The following GRIP1 variants were observed in gnomAD, a reference collection of about 807,000 sequenced individuals.
GRIP1 encodes the protein glutamate receptor interacting protein 1, also known as glutamate receptor-interacting protein 1.
Under a neutral mutation model 129.9 loss-of-function variants are expected in GRIP1, and 45 were observed. That is an observed-to-expected ratio of 0.35 (90% CI 0.27 to 0.44). The LOEUF is 0.44. GRIP1 is among the 20% of genes least tolerant of loss of function. The pLI, the probability that GRIP1 is intolerant of heterozygous loss-of-function variation, is 1.00. For synonymous variants in GRIP1, 530 were observed against 520.8 expected (o/e 1.02, Z -0.24); for missense variants, 1,196 against 1,396.8 (o/e 0.86, Z 2.29).
intron 1 of GRIP1, among the ~76,000 whole-genome samples, chr12:66,721,657 G>A (rs1019953083): frequency 1.3e-5 from 2 of 152,164 alleles, no homozygotes; most frequent in Non-Finnish European, 2.9e-5. Context: ...AACCCAATCT[G>A]TAAAACTCTG....
At chr12:66,773,496 G>A (rs923540203) in intron 1 of GRIP1, among the ~76,000 whole-genome samples, 5 of 152,110 alleles carry the variant, frequency 3.3e-5, no homozygotes, top group Non-Finnish European at 7.3e-5. Context: ...TCATAAGTGG[G>A]AGTTGAACAA....
chr12:66,832,889 A>C (rs1333906365), intron 1 of GRIP1, among the ~76,000 whole-genome samples: 1 of 152,202 alleles, frequency 6.6e-6, no homozygotes, highest in Non-Finnish European at 1.5e-5. Flanking sequence ...TCAAAGTTAA[A>C]GTCTCTGACC....
At chr12:66,752,388 AT>A (rs1360014285) in intron 1 of GRIP1, among the ~76,000 whole-genome samples, 1 of 152,192 alleles carries the variant, frequency 6.6e-6, no homozygotes, top group Non-Finnish European at 1.5e-5. Context: ...ATAAAATAAC[AT>A]TTAGTTTTAT....
chr12:66,399,693 T>C (rs6421219), intron 16 of GRIP1, among the ~76,000 whole-genome samples: 149,085 of 151,922 alleles, frequency 0.98, 73,282 homozygotes, highest in East Asian at 1. Context: ...TCTTGAGTGC[T>C]GCCTGTTTAA....
At chr12:66,371,592 G>T (rs11176162) in intron 23 of GRIP1, 102 bp downstream of exon 23, 2 of 801,412 alleles carry the variant, frequency 2.5e-6, no homozygotes, top group African/African-American at 1.7e-5. Context: ...GCTTGGCTGA[G>T]CCCATAGGAG....
At chr12:67,056,164 CA>C (rs2043432033) in intron 1 of GRIP1, among the ~76,000 whole-genome samples, 1 of 152,130 alleles carries the variant, frequency 6.6e-6, no homozygotes. Context: ...CAAATTATCC[CA>C]AAACATAGCT....
At chr12:66,780,060 G>A (rs2038106122) in intron 1 of GRIP1, among the ~76,000 whole-genome samples, 1 of 152,138 alleles carries the variant, frequency 6.6e-6, no homozygotes, top group African/African-American at 2.4e-5. Flanking sequence ...GTAAGATGTT[G>A]GTGGTAGTGG....
intron 1 of GRIP1, among the ~76,000 whole-genome samples, chr12:66,819,762 T>C (rs2039285804): frequency 6.6e-6 from 1 of 152,172 alleles, no homozygotes; most frequent in East Asian, 1.9e-4. Flanking sequence ...GCTAACAAAC[T>C]GAATCAACAA....
At chr12:66,376,378 C>T (rs371067147) in intron 22 of GRIP1, among the ~76,000 whole-genome samples, 1 of 152,144 alleles carries the variant, frequency 6.6e-6, no homozygotes, top group Admixed American at 6.6e-5. Flanking sequence ...AAAAATGAGA[C>T]TTTTGCCACT....
At chr12:67,029,479 T>G (rs11176544) in intron 1 of GRIP1, among the ~76,000 whole-genome samples, 18,559 of 150,586 alleles carry the variant, frequency 0.12, 1,202 homozygotes, top group African/African-American at 0.15. Flanking sequence ...CTTAGGAGGC[T>G]GAGGTGGGAG....
chr12:66,394,240 A>C lies in GRIP1; in HGVS notation c.2097T>G (p.Ile699Met). 6.2e-7 allele frequency: 1 copy of C among 1,614,118 alleles called. No individual in the cohort carries two copies. Among genetic ancestry groups the C allele is most frequent in the East Asian group, 2.2e-5 (1 of 44,872 alleles). Residue 699 changes from isoleucine to methionine, a missense_variant, in exon 17 of 25, where the codon ATT (isoleucine) becomes ATG (methionine). Physicochemically the swap from Ile to Met is conservative, Grantham distance 10 (BLOSUM62 1). Around this residue, in one of 5 missense-constraint regions of GRIP1, gnomAD observed 28 missense variants for 78.1 expected, o/e 0.36. Transcript: ENST00000359742. ...GTEEPFDPII[I>M]SSLTKGGLAE... ...CTAATCCCCCTTTAGTGAGGCTTGA[A>C]ATGATTATAGGATCAAACGGCTCTT... is the stretch of plus-strand genomic sequence containing the variant.
chr12:66,503,862 A>G (rs1389226725), intron 7 of GRIP1, among the ~76,000 whole-genome samples: 1 of 152,184 alleles, frequency 6.6e-6, no homozygotes, highest in Non-Finnish European at 1.5e-5. Context: ...GTTCTGGGAA[A>G]TGTGAGGTTA....
At chr12:66,440,636 C>T (rs1435471414) in intron 13 of GRIP1, among the ~76,000 whole-genome samples, 1 of 152,156 alleles carries the variant, frequency 6.6e-6, no homozygotes, top group Admixed American at 6.5e-5. Flanking sequence ...TCCTGGACTT[C>T]TCTTTCTCAT....
At chr12:66,988,342 G>A (rs568979583) in intron 1 of GRIP1, among the ~76,000 whole-genome samples, 2 of 151,876 alleles carry the variant, frequency 1.3e-5, no homozygotes, top group African/African-American at 2.4e-5. Context: ...CATTCACATA[G>A]CCTTGTGCTA....
chr12:66,928,371 T>C (rs2137392076), intron 1 of GRIP1, among the ~76,000 whole-genome samples: 1 of 152,350 alleles, frequency 6.6e-6, no homozygotes, highest in East Asian at 1.9e-4. Flanking sequence ...ACAATTAATT[T>C]ATAAGATTCT....
At chr12:66,473,402 T>G (rs933182685) in intron 7 of GRIP1, among the ~76,000 whole-genome samples, 1 of 152,210 alleles carries the variant, frequency 6.6e-6, no homozygotes, top group Non-Finnish European at 1.5e-5. Flanking sequence ...GGGTGCAGTT[T>G]CAGCAGACTT....
intron 1 of GRIP1, among the ~76,000 whole-genome samples, chr12:66,689,341 C>T (rs1158454355): frequency 6.6e-6 from 1 of 152,118 alleles, no homozygotes; most frequent in Non-Finnish European, 1.5e-5. Flanking sequence ...GAAAAGCAGG[C>T]GGAAGGTCAG....
intron 1 of GRIP1, among the ~76,000 whole-genome samples, chr12:66,923,437 T>C (rs1346886183): frequency 6.6e-6 from 1 of 152,222 alleles, no homozygotes; most frequent in African/African-American, 2.4e-5. Context: ...AACTGATTCC[T>C]TGGGAATGCT....
intron 1 of GRIP1, among the ~76,000 whole-genome samples, chr12:66,775,325 T>C (rs2037945079): frequency 6.6e-6 from 1 of 152,170 alleles, no homozygotes; most frequent in African/African-American, 2.4e-5. Context: ...TAAATACATC[T>C]CCATAATTTA....
Sources: allele counts gnomAD v4.1 joint callset (sites outside exome capture counted in the v4.1 genomes callset), GRCh38; gene constraint gnomAD v4.1.1; regional missense constraint gnomAD v4.1.1; transcripts MANE v1.5; gene names NCBI Gene and HGNC (gene_info 2026-07-23, HGNC 2026-07-21).